The following GPHN variants were observed in gnomAD, a reference collection of about 807,000 sequenced individuals.
GPHN encodes the protein gephyrin.
GPHN carries 17 observed loss-of-function variants against 95.5 expected under a neutral mutation model. The observed-to-expected ratio is 0.18, with a 90% CI of 0.12 to 0.27. The LOEUF is 0.27. Ranked by LOEUF, GPHN falls within the 10% of genes least tolerant of loss-of-function variation. The pLI, the probability that GPHN is intolerant of heterozygous loss-of-function variation, is 1.00. For missense variants in GPHN, 660 were observed against 978.1 expected, an observed-to-expected ratio of 0.67 and a Z score of 4.34; for synonymous variants, 320 against 322.5, an observed-to-expected ratio of 0.99 and a Z score of 0.08.
chr14:66,677,396 T>C (rs2066668607), intron 1 of GPHN, among the ~76,000 whole-genome samples: 1 of 152,128 alleles, frequency 6.6e-6, no homozygotes, highest in Non-Finnish European at 1.5e-5. Flanking sequence ...TGTTTATTGC[T>C]GTAAACTTCC....
intron 4 of GPHN, among the ~76,000 whole-genome samples, chr14:66,845,855 G>GTGTC (rs766490108): frequency 6.8e-6 from 1 of 147,654 alleles, no homozygotes; most frequent in African/African-American, 2.4e-5. Context: ...GTGTGTGTGT[G>GTGTC]TGTGTCTGTG....
At chr14:67,511,437 A>T in the GPHN span, among the ~76,000 whole-genome samples, 1 of 152,314 alleles carries the variant, frequency 6.6e-6, no homozygotes, top group South Asian at 2.1e-4. Flanking sequence ...CTGTCCGTGT[A>T]GATGGTTTGC....
chr14:67,635,355 A>G, the GPHN span, among the ~76,000 whole-genome samples: 4 of 152,256 alleles, frequency 2.6e-5, no homozygotes, highest in Non-Finnish European at 5.9e-5. Flanking sequence ...TACCTAAATA[A>G]CAGTCTCTTC....
At chr14:67,208,436 G>C in the GPHN span, 14 of 1,613,136 alleles carry the variant, frequency 8.7e-6, no homozygotes, top group Non-Finnish European at 1.1e-5. Flanking sequence ...AGCTCTCAAG[G>C]CTGAAGAATC....
the GPHN span, among the ~76,000 whole-genome samples, chr14:67,372,392 T>C: frequency 1.3e-5 from 2 of 152,166 alleles, no homozygotes; most frequent in Non-Finnish European, 2.9e-5. Context: ...ATTTCTTAGA[T>C]AGCACACTAA....
At chr14:66,927,620 A>T (rs1028673924) in intron 8 of GPHN, among the ~76,000 whole-genome samples, 6 of 152,146 alleles carry the variant, frequency 3.9e-5, no homozygotes, top group Middle Eastern at 3.4e-3. Flanking sequence ...CATGTTCCAG[A>T]TCTTAGAGGA....
intron 1 of GPHN, among the ~76,000 whole-genome samples, chr14:66,577,679 A>T (rs2060964879): frequency 6.6e-6 from 1 of 152,264 alleles, no homozygotes; most frequent in South Asian, 2.1e-4. Flanking sequence ...AGTCTCTTCT[A>T]AAGGTGTTTT....
chr14:67,555,814 T>C, the GPHN span: 1 of 1,613,046 alleles, frequency 6.2e-7, no homozygotes. Context: ...CCTTTCTCTC[T>C]GGCCAAGCAG....
chr14:67,319,633 C>T, the GPHN span, among the ~76,000 whole-genome samples: 1,035 of 148,828 alleles, frequency 7.0e-3, 19 homozygotes, highest in African/African-American at 0.025. Context: ...AAAAAAATTG[C>T]AAAACAATCT....
chr14:67,206,209 G>A, the GPHN span, among the ~76,000 whole-genome samples: 1 of 151,762 alleles, frequency 6.6e-6, no homozygotes, highest in Admixed American at 6.6e-5. Flanking sequence ...AGAAAAGAAA[G>A]ATGGTAGGGA....
the GPHN span, chr14:67,585,413 A>G: frequency 1.6e-6 from 1 of 624,386 alleles, no homozygotes; most frequent in Non-Finnish European, 2.9e-6. Context: ...TATTTCCTGC[A>G]TACACTGTAC....
chr14:67,597,277 A>T, the GPHN span, among the ~76,000 whole-genome samples: 1 of 152,380 alleles, frequency 6.6e-6, no homozygotes, highest in Non-Finnish European at 1.5e-5. Flanking sequence ...CAGGAGTTCA[A>T]GACCAGCCTG....
intron 10 of GPHN, among the ~76,000 whole-genome samples, chr14:67,024,816 A>T (rs1297052382): frequency 6.6e-6 from 1 of 152,144 alleles, no homozygotes; most frequent in Non-Finnish European, 1.5e-5. Flanking sequence ...CATGTGGCTG[A>T]TCTTTATTTC....
chr14:66,673,308 G>T (rs948036974), intron 1 of GPHN, among the ~76,000 whole-genome samples: 2 of 151,908 alleles, frequency 1.3e-5, no homozygotes, highest in Admixed American at 1.3e-4. Context: ...TAACCAGGAT[G>T]GTCTTGATCT....
the GPHN span, among the ~76,000 whole-genome samples, chr14:67,329,415 A>G: frequency 1.3e-5 from 2 of 152,216 alleles, no homozygotes; most frequent in Non-Finnish European, 2.9e-5. Flanking sequence ...CAATCATGTC[A>G]TCTGCAAACA....
At chr14:67,409,723 C>T in the GPHN span, among the ~76,000 whole-genome samples, 1 of 152,208 alleles carries the variant, frequency 6.6e-6, no homozygotes, top group African/African-American at 2.4e-5. Context: ...GCTTCGCTTT[C>T]ACCGGTGATG....
chr14:67,332,272 A>T, the GPHN span, among the ~76,000 whole-genome samples: 23 of 152,182 alleles, frequency 1.5e-4, no homozygotes, highest in African/African-American at 5.1e-4. Flanking sequence ...AAAGTAGGCT[A>T]CTCTATATAG....
chr14:66,976,404 G>A lies in GPHN; in HGVS notation c.963+11079G>A, dbSNP rs111841755. ...ACAGCCCAACAAATATAAGTGGTCC[G>A]TCCTATCATTATTTCAGCAACAAAA... On this transcript the variant is annotated intron_variant, in intron 9 of 22. Coordinates refer to ENST00000478722, the MANE Select transcript of GPHN (RefSeq NM_020806.5). Among the ~76,000 whole-genome samples the A allele has an allele frequency of 3.2e-3, 483 of 152,196 alleles. 11 individuals carry two copies. Among genetic ancestry groups the A allele is most frequent in the African/African-American group, 0.011 (452 of 41,532 alleles).
chr14:66,624,015 A>G (rs1048443023), intron 1 of GPHN, among the ~76,000 whole-genome samples: 1 of 152,124 alleles, frequency 6.6e-6, no homozygotes, highest in African/African-American at 2.4e-5. Context: ...AGGAGAGAAA[A>G]AGTCTACACA....
Sources: gnomAD v4.1 joint callset for allele counts (sites outside exome capture counted in the v4.1 genomes callset) on GRCh38, gnomAD v4.1.1 for gene constraint, MANE v1.5 for transcripts, NCBI Gene and HGNC (gene_info 2026-07-23, HGNC 2026-07-21) for gene names.